RGS20: variants seen among roughly 807,000 people sequenced by gnomAD.
RGS20 encodes the protein gz-selective GTPase-activating protein.
Under a neutral mutation model 33.6 loss-of-function variants are expected in RGS20, and 30 were observed. That is an observed-to-expected ratio of 0.89 (90% CI 0.67 to 1.21). RGS20 has a LOEUF of 1.21. Ranked by LOEUF, RGS20 falls within the 50% of genes most tolerant of loss-of-function variation. The pLI, the probability that RGS20 is intolerant of heterozygous loss-of-function variation, is 0.00. For synonymous variants in RGS20, 208 were observed against 197.9 expected (o/e 1.05, Z -0.43); for missense variants, 472 against 502.4 (o/e 0.94, Z 0.58).
intron 2 of RGS20, among the ~76,000 whole-genome samples, chr8:53,935,270 T>G (rs1264829580): frequency 6.6e-6 from 1 of 151,924 alleles, no homozygotes; most frequent in Non-Finnish European, 1.5e-5. Flanking sequence ...AGAGCAGAAC[T>G]GAAGGAGGAC....
intron 2 of RGS20, among the ~76,000 whole-genome samples, chr8:53,937,149 G>A (rs552582518): frequency 6.6e-6 from 1 of 152,050 alleles, no homozygotes; most frequent in Admixed American, 6.6e-5. Context: ...CGTGGAGTTG[G>A]GGGGAGAGGG....
At chr8:53,885,790 CTTTTTTTTT>C (rs1172257852) in intron 2 of RGS20, among the ~76,000 whole-genome samples, 8 of 112,744 alleles carry the variant, frequency 7.1e-5, no homozygotes, top group Non-Finnish European at 1.1e-4. Flanking sequence ...GTATCTTACT[CTTTTTTTTT>C]TTTTTTTTTT....
At chr8:53,920,780 G>T (rs140960383) in intron 2 of RGS20, among the ~76,000 whole-genome samples, 2 of 151,496 alleles carry the variant, frequency 1.3e-5, no homozygotes, top group African/African-American at 4.9e-5. Flanking sequence ...TTTTTGAGAC[G>T]GGCAGTCTCA....
At position 53,958,397 on chromosome 8, in the gene RGS20, T is replaced by A; in HGVS notation, c.1106T>A (p.Met369Lys). The change falls in exon 6 of 6, where the codon ATG becomes AAG. Residue 369 changes from methionine (M) to lysine (K), a missense_variant. Met to Lys is a moderately conservative substitution (Grantham distance 95). Transcript: ENST00000297313. ...CACAGAGACTCATATCCTCGATTCATGAACTCTGCTGTCTATAAGGACTTG... is the reference window on the plus strand; with the variant it reads ...CACAGAGACTCATATCCTCGATTCAAGAACTCTGCTGTCTATAAGGACTTG... The A allele has an allele frequency of 6.2e-7, 1 of 1,613,382 alleles. No individual in the cohort carries two copies. The highest frequency in any genetic ancestry group is 2.2e-5 in the East Asian group (1 of 44,804).
intron 2 of RGS20, among the ~76,000 whole-genome samples, chr8:53,928,109 C>T (rs534534247): frequency 1.3e-5 from 2 of 152,208 alleles, no homozygotes; most frequent in African/African-American, 2.4e-5. Context: ...ATTTTAAAAA[C>T]TTTATTAAGG....
chr8:53,868,801 G>A (rs1346763459), intron 1 of RGS20, among the ~76,000 whole-genome samples: 1 of 151,152 alleles, frequency 6.6e-6, no homozygotes, highest in East Asian at 1.9e-4. Flanking sequence ...TACCCATGTT[G>A]AAGTGCAGTG....
At chr8:53,952,873 T>A (rs961346806) in intron 4 of RGS20, among the ~76,000 whole-genome samples, 3 of 152,106 alleles carry the variant, frequency 2.0e-5, no homozygotes, top group Non-Finnish European at 4.4e-5. Context: ...ATGACAGAAG[T>A]AAGAATTAAC....
At chr8:53,900,536 C>T (rs1812986294) in intron 2 of RGS20, among the ~76,000 whole-genome samples, 1 of 152,010 alleles carries the variant, frequency 6.6e-6, no homozygotes, top group African/African-American at 2.4e-5. Flanking sequence ...GAAATGTAAA[C>T]AAAAAATAAA....
intron 4 of RGS20, 79 bp from the exon 4 acceptor site, chr8:53,953,997 G>A (rs1444411614): frequency 2.1e-6 from 2 of 970,488 alleles, no homozygotes; most frequent in African/African-American, 3.2e-5. Flanking sequence ...AGGAGGAAAA[G>A]ATATGTTCCT....
At chr8:53,916,990 A>C (rs1427260453) in intron 2 of RGS20, among the ~76,000 whole-genome samples, 1 of 152,128 alleles carries the variant, frequency 6.6e-6, no homozygotes, top group African/African-American at 2.4e-5. Flanking sequence ...ATCACTCCCT[A>C]GGGCCCCACT....
chr8:53,957,442 T>C (rs117830019), intron 5 of RGS20, among the ~76,000 whole-genome samples: 1,778 of 152,356 alleles, frequency 0.012, 56 homozygotes, highest in Admixed American at 0.064. Context: ...GGCCCTGTGA[T>C]TGGAACCTTC....
intron 1 of RGS20, among the ~76,000 whole-genome samples, chr8:53,853,570 A>G (rs1216565386): frequency 6.6e-6 from 1 of 152,152 alleles, no homozygotes; most frequent in South Asian, 2.1e-4. Context: ...ATCTTTTTAT[A>G]TTGCATTTGA....
At chr8:53,864,706 T>G (rs1323368311) in intron 1 of RGS20, among the ~76,000 whole-genome samples, 1 of 152,130 alleles carries the variant, frequency 6.6e-6, no homozygotes, top group African/African-American at 2.4e-5. Context: ...TTCCCTAATT[T>G]TTTTCCACCA....
intron 4 of RGS20, among the ~76,000 whole-genome samples, chr8:53,951,340 T>A (rs937425450): frequency 4.6e-5 from 7 of 151,884 alleles, no homozygotes; most frequent in African/African-American, 1.5e-4. Context: ...ACAAAAAAAT[T>A]TAGCTGGCTG....
intron 4 of RGS20, among the ~76,000 whole-genome samples, chr8:53,949,845 C>CT (rs146812689): frequency 0.38 from 55,536 of 145,564 alleles, 10,975 homozygotes; most frequent in East Asian, 0.72. Flanking sequence ...TAACACATTT[C>CT]TTTTTTTTTT....
Position 53,905,650 on chromosome 8 carries a change from C to T in RGS20, c.510+26048C>T, listed in dbSNP as rs146622228. Among the ~76,000 whole-genome samples, 22 of 152,226 alleles carry T rather than the reference C, an allele frequency of 1.4e-4. No homozygotes were observed. In the East Asian group the frequency reaches 3.9e-3, roughly 27 times the overall value. ...GTGACTTCAGCAGCATCTGGTGACCCGGTGTTACTCTTGCAGTACGTGATT... is the reference window on the plus strand; with the variant it reads ...GTGACTTCAGCAGCATCTGGTGACCTGGTGTTACTCTTGCAGTACGTGATT... On this transcript the variant is annotated intron_variant, in intron 2 of 5. Transcript: ENST00000297313.
Position 53,958,502 on chromosome 8 carries a change from T to G in RGS20, c.*44T>G, listed in dbSNP as rs757131069. 8.2e-5 allele frequency: 92 copies of G among 1,123,518 alleles called. No homozygotes were observed. In the African/African-American group the frequency reaches 1.3e-3, roughly 16 times the overall value. 69.6% of individuals were successfully genotyped at this position (1,123,518 alleles called of 1,614,324 possible). A position where few individuals can be genotyped will look rare whatever the true frequency, so the allele number is the denominator to read the frequency against. ...ATTATTAATAAAATAATAAAAGAAT[T>G]CATGGGCTACAACTAGCACAGGGAA... On this transcript the variant is annotated 3_prime_UTR_variant, in exon 6 of 6. Coordinates refer to ENST00000297313, the MANE Select transcript of RGS20 (RefSeq NM_170587.4).
intron 2 of RGS20, among the ~76,000 whole-genome samples, chr8:53,924,345 G>GC (rs1036033963): frequency 1.3e-5 from 2 of 151,904 alleles, no homozygotes; most frequent in African/African-American, 2.4e-5. Context: ...GCACCACCAC[G>GC]CCCGGCTAAT....
At chr8:53,863,059 G>A (rs1358221504) in intron 1 of RGS20, among the ~76,000 whole-genome samples, 2 of 152,096 alleles carry the variant, frequency 1.3e-5, no homozygotes, top group Non-Finnish European at 2.9e-5. Context: ...CACGATCTCG[G>A]CTCACCGCAA....
Sources: gnomAD v4.1 joint callset for allele counts (sites outside exome capture counted in the v4.1 genomes callset) on GRCh38, gnomAD v4.1.1 for gene constraint, MANE v1.5 for transcripts, NCBI Gene and HGNC (gene_info 2026-07-23, HGNC 2026-07-21) for gene names.